Variants in NRIP1 observed in about 807,000 individuals in gnomAD.
NRIP1 encodes the protein nuclear receptor-interacting protein 1.
A neutral mutation model predicts 75.0 loss-of-function variants in NRIP1; 28 were observed. The ratio of observed to expected loss-of-function variants is 0.37; its 90% CI spans 0.28 to 0.51. The LOEUF (loss-of-function observed/expected upper bound fraction) is 0.51. Ranked by LOEUF, NRIP1 falls within the 20% of genes least tolerant of loss-of-function variation. The pLI is 0.92. For missense variants in NRIP1, 1,435 were observed against 1,343.7 expected (o/e 1.07, Z -1.06); for synonymous variants, 526 against 487.6 (o/e 1.08, Z -1.04).
At chr21:15,042,535 T>C (rs1318847139) in intron 2 of NRIP1, among the ~76,000 whole-genome samples, 1 of 152,210 alleles carries the variant, frequency 6.6e-6, no homozygotes, top group Non-Finnish European at 1.5e-5. Context: ...TGAGGGTAAT[T>C]TGGAGGTGGG....
chr21:15,032,438 G>C (rs1216799518), intron 2 of NRIP1, among the ~76,000 whole-genome samples: 1 of 151,836 alleles, frequency 6.6e-6, no homozygotes, highest in East Asian at 1.9e-4. Context: ...TAATTGTTTA[G>C]TTATCAGTAG....
Position 14,964,461 on chromosome 21 carries a change from GCTA to G in NRIP1, c.*252_*254del. ...ATTTATAAAAGAATTTCATTCATAG[GCTA>G]CTCACAGTTGTTATCTGATGCATAC... is the stretch of plus-strand genomic sequence containing the variant. On this transcript the variant is annotated 3_prime_UTR_variant, in exon 4 of 4. Coordinates refer to ENST00000318948, the MANE Select transcript of NRIP1 (RefSeq NM_003489.4). 3.1e-6 allele frequency: 1 copy of G among 325,972 alleles called. No homozygotes were observed. The highest frequency in any genetic ancestry group is 4.9e-5 in the East Asian group (1 of 20,340). The allele number at this position is 325,972 out of a possible 1,614,324, so 20.2% of individuals were successfully genotyped here.
chr21:14,964,886 T>A lies in NRIP1; in HGVS notation c.3307A>T (p.Thr1103Ser), dbSNP rs2086681655. 1 of 1,613,224 alleles carries A rather than the reference T, an allele frequency of 6.2e-7. No individual in the cohort carries two copies. The highest frequency in any genetic ancestry group is 1.3e-5 in the African/African-American group (1 of 74,846). The change falls in exon 4 of 4, where the codon ACA (threonine) becomes TCA (serine). Residue 1103 changes from threonine (T) to serine (S), a missense_variant. Transcript: ENST00000318948. ...GTAGGAAGTAACTCTTCTTTGGCTG[T>A]GACCTGTGAGACACTTTCAGCAGAT... ...ASSAESVSQV[T>S]AKEELLPTAE...
intron 3 of NRIP1, among the ~76,000 whole-genome samples, chr21:14,989,796 G>A (rs998304980): frequency 6.6e-6 from 1 of 152,086 alleles, no homozygotes; most frequent in African/African-American, 2.4e-5. Flanking sequence ...GTGTGTGGAG[G>A]TGAGGAGGAG....
In NRIP1 at chr21:14,999,425, G is replaced by C. The variant is rs185186078; in HGVS notation, c.-335+14919C>G. ...AATTCTGTGTGTATGAGTTTGCTTT[G>C]ATTTATGTTCTATTTGGTTATAAAC... On this transcript the variant is annotated intron_variant, in intron 3 of 3. Coordinates refer to ENST00000318948, the MANE Select transcript of NRIP1 (RefSeq NM_003489.4). Among the ~76,000 whole-genome samples, 88 of 152,216 alleles carry C rather than the reference G, an allele frequency of 5.8e-4. No individual in the cohort carries two copies. In the East Asian group the frequency reaches 0.016, roughly 28 times the overall value.
At chr21:15,026,572 C>A (rs996919456) in intron 2 of NRIP1, among the ~76,000 whole-genome samples, 1 of 152,074 alleles carries the variant, frequency 6.6e-6, no homozygotes, top group African/African-American at 2.4e-5. Flanking sequence ...TATAAAAGAA[C>A]GTTGACATCA....
At chr21:14,998,187 A>G (rs930479546) in intron 3 of NRIP1, among the ~76,000 whole-genome samples, 1 of 152,114 alleles carries the variant, frequency 6.6e-6, no homozygotes, top group Admixed American at 6.5e-5. Flanking sequence ...TGAAGGCCTG[A>G]CCCACCTACA....
intron 1 of NRIP1, among the ~76,000 whole-genome samples, chr21:15,049,383 T>C (rs2089155354): frequency 6.6e-6 from 1 of 152,164 alleles, no homozygotes; most frequent in African/African-American, 2.4e-5. Context: ...CAATCATAGA[T>C]TACAGGGGAT....
chr21:14,986,441 C>A (rs544458721), intron 3 of NRIP1, among the ~76,000 whole-genome samples: 6 of 152,142 alleles, frequency 3.9e-5, no homozygotes, highest in Non-Finnish European at 5.9e-5. Flanking sequence ...TTAGTAGAAA[C>A]ATAAAATCAA....
At chr21:14,980,758 A>AT (rs923771883) in intron 3 of NRIP1, among the ~76,000 whole-genome samples, 3 of 152,090 alleles carry the variant, frequency 2.0e-5, no homozygotes, top group Non-Finnish European at 4.4e-5. Flanking sequence ...CAAACTACTT[A>AT]TGCTATATGT....
In NRIP1 at chr21:15,018,218, T is replaced by A. The variant is rs373052438; in HGVS notation, c.-457-3752A>T. Among the ~76,000 whole-genome samples the A allele has an allele frequency of 9.8e-5, 15 of 152,300 alleles. No individual in the cohort carries two copies. In the South Asian group the frequency reaches 1.5e-3, roughly 15 times the overall value. ...CATTTATTTAATAATGTGGTAAAAT[T>A]ATCACAATACAATGCTAAGAAAGCA... On this transcript the variant is annotated intron_variant, in intron 2 of 3. Coordinates refer to ENST00000318948, the MANE Select transcript of NRIP1 (RefSeq NM_003489.4).
At chr21:15,001,615 A>T (rs1306222947) in intron 3 of NRIP1, among the ~76,000 whole-genome samples, 1 of 151,230 alleles carries the variant, frequency 6.6e-6, no homozygotes, top group Non-Finnish European at 1.5e-5. Flanking sequence ...CGAATAAAAC[A>T]GTATAATGTT....
chr21:15,003,978 TCA>T (rs2087907469), intron 3 of NRIP1, among the ~76,000 whole-genome samples: 1 of 152,164 alleles, frequency 6.6e-6, no homozygotes, highest in Non-Finnish European at 1.5e-5. Context: ...AACCATTTCC[TCA>T]CATATAGATT....
intron 1 of NRIP1, among the ~76,000 whole-genome samples, chr21:15,061,287 TAAAC>T (rs2089418477): frequency 6.6e-6 from 1 of 152,100 alleles, no homozygotes; most frequent in Non-Finnish European, 1.5e-5. Flanking sequence ...AAATCGTTAT[TAAAC>T]AAACACACAG....
chr21:15,063,965 G>A (rs150597244), intron 1 of NRIP1, among the ~76,000 whole-genome samples: 2 of 152,176 alleles, frequency 1.3e-5, no homozygotes, highest in Non-Finnish European at 2.9e-5. Flanking sequence ...CCTTCTGACT[G>A]AACACCAACT....
intron 3 of NRIP1, among the ~76,000 whole-genome samples, chr21:14,975,644 A>G (rs372265891): frequency 2.4e-5 from 3 of 123,848 alleles, no homozygotes; most frequent in East Asian, 2.4e-4. Context: ...AAAAAAAAAA[A>G]GGAAGGAAGG....
chr21:14,996,193 C>T (rs896122363), intron 3 of NRIP1, among the ~76,000 whole-genome samples: 2 of 152,118 alleles, frequency 1.3e-5, no homozygotes, highest in Non-Finnish European at 2.9e-5. Context: ...TCTTAAGATA[C>T]TTCACATTCT....
intron 1 of NRIP1, among the ~76,000 whole-genome samples, chr21:15,055,469 A>T (rs769078892): frequency 6.6e-6 from 1 of 152,220 alleles, no homozygotes; most frequent in Non-Finnish European, 1.5e-5. Context: ...TTCAAGTACT[A>T]GAATATTCAA....
At chr21:15,035,650 G>T (rs1307579109) in intron 2 of NRIP1, among the ~76,000 whole-genome samples, 2 of 150,274 alleles carry the variant, frequency 1.3e-5, no homozygotes, top group Non-Finnish European at 2.9e-5. Context: ...TCCGCCTCCT[G>T]GGTTCAAGCA....
Sources: gnomAD v4.1 joint callset for allele counts (sites outside exome capture counted in the v4.1 genomes callset) on GRCh38, gnomAD v4.1.1 for gene constraint, MANE v1.5 for transcripts, NCBI Gene and HGNC (gene_info 2026-07-23, HGNC 2026-07-21) for gene names.